Variants in ZNF407 observed in about 807,000 individuals in gnomAD.
The protein encoded by ZNF407 is zinc finger protein 407.
In ZNF407, 17 loss-of-function variants were observed where a neutral mutation model predicts 131.2. The ratio of observed to expected loss-of-function variants is 0.13; its 90% CI spans 0.09 to 0.19. ZNF407 has a LOEUF of 0.19. ZNF407 is among the 10% of genes least tolerant of loss of function. The pLI is 1.00. For missense variants in ZNF407, 2,681 were observed against 2,830.6 expected (o/e 0.95, Z 1.20); for synonymous variants, 1,156 against 1,062.0 (o/e 1.09, Z -1.72).
chr18:74,897,107 C>T (rs1178326356), intron 7 of ZNF407, among the ~76,000 whole-genome samples: 1 of 152,044 alleles, frequency 6.6e-6, no homozygotes, highest in Non-Finnish European at 1.5e-5. Flanking sequence ...TTGTTTTCAG[C>T]CTAAGAGGCT....
chr18:75,058,353 G>A (rs995850550), intron 8 of ZNF407, among the ~76,000 whole-genome samples: 2 of 152,178 alleles, frequency 1.3e-5, no homozygotes, highest in Non-Finnish European at 2.9e-5. Context: ...TCTGAGAAGG[G>A]AGTAAAATAT....
chr18:75,005,098 G>A lies in ZNF407; in HGVS notation c.5429-58052G>A, dbSNP rs183909962. On this transcript the variant is annotated intron_variant, in intron 8 of 8. Coordinates refer to ENST00000299687, the MANE Select transcript of ZNF407 (RefSeq NM_017757.3). Reference sequence around the variant, plus strand: ...TATGCATGGGAAAGTCCTTGATTCAGCCTCCCATAAAAATAAACTTCTATT... The same window carrying A: ...TATGCATGGGAAAGTCCTTGATTCAACCTCCCATAAAAATAAACTTCTATT... Among the ~76,000 whole-genome samples, 5 of 152,268 alleles carry A rather than the reference G, an allele frequency of 3.3e-5. No homozygotes were observed. The East Asian group carries it at 5.8e-4, about 18-fold the overall frequency.
chr18:74,623,267 C>T (rs1568317201), intron 1 of ZNF407, among the ~76,000 whole-genome samples: 2 of 150,786 alleles, frequency 1.3e-5, no homozygotes, highest in Non-Finnish European at 3.0e-5. Flanking sequence ...TGTGTGTGTG[C>T]ATGAGTGTGA....
chr18:75,034,082 T>C (rs1379129300), intron 8 of ZNF407, among the ~76,000 whole-genome samples: 3 of 152,186 alleles, frequency 2.0e-5, no homozygotes, highest in Non-Finnish European at 4.4e-5. Flanking sequence ...AATGGCCTTG[T>C]GCATCATGAA....
intron 8 of ZNF407, among the ~76,000 whole-genome samples, chr18:74,997,631 C>T (rs2122151280): frequency 6.6e-6 from 1 of 152,240 alleles, no homozygotes; most frequent in South Asian, 2.1e-4. Flanking sequence ...CCCCTCTGCA[C>T]TTTGGAATGT....
At chr18:74,916,705 GTGTGTGTGTGTA>G (rs1971774314) in intron 7 of ZNF407, among the ~76,000 whole-genome samples, 1 of 142,448 alleles carries the variant, frequency 7.0e-6, no homozygotes, top group Non-Finnish European at 1.5e-5. Flanking sequence ...CGAATCGGGA[GTGTGTGTGTGTA>G]TGTGTGTGTG....
At chr18:74,832,384 T>G (rs1970497493) in intron 4 of ZNF407, among the ~76,000 whole-genome samples, 1 of 152,184 alleles carries the variant, frequency 6.6e-6, no homozygotes, top group Admixed American at 6.5e-5. Flanking sequence ...GGAAGCAACC[T>G]GAGAGTAACT....
intron 4 of ZNF407, among the ~76,000 whole-genome samples, chr18:74,794,572 A>G (rs1020871329): frequency 3.3e-5 from 5 of 152,200 alleles, no homozygotes; most frequent in African/African-American, 1.2e-4. Context: ...AGAATAATAT[A>G]GAATCATGCA....
chr18:75,003,819 A>G (rs1037371774), intron 8 of ZNF407, among the ~76,000 whole-genome samples: 2 of 152,208 alleles, frequency 1.3e-5, no homozygotes, highest in African/African-American at 2.4e-5. Context: ...GAGACACTCA[A>G]CAAAAATTGT....
chr18:74,804,058 C>G (rs1351510788), intron 4 of ZNF407: 1 of 1,551,530 alleles, frequency 6.4e-7, no homozygotes. Flanking sequence ...TCTTTGTGAG[C>G]ACTTTTCATA....
At position 75,015,050 on chromosome 18, in the gene ZNF407, G is replaced by A. The variant is rs751751956; in HGVS notation, c.5429-48100G>A. On this transcript the variant is annotated intron_variant, in intron 8 of 8. Transcript: ENST00000299687. ...CATTCCTTTCCCCACCGCCATATTC[G>A]TATAGCCAGCTAATTTGGGGAGACT... 1.4e-4 allele frequency among the ~76,000 whole-genome samples: 21 copies of A among 152,050 alleles called. No homozygotes were observed. In the South Asian group the frequency reaches 1.7e-3, roughly 12 times the overall value.
intron 3 of ZNF407, among the ~76,000 whole-genome samples, chr18:74,779,088 CATATATAT>C (rs1555687129): frequency 1.0e-4 from 2 of 19,210 alleles, no homozygotes; most frequent in Non-Finnish European, 1.4e-4. Context: ...TCATGCTTGG[CATATATAT>C]ATATATATAT....
chr18:74,904,376 AT>A (rs1247020864), intron 7 of ZNF407, among the ~76,000 whole-genome samples: 2 of 152,132 alleles, frequency 1.3e-5, no homozygotes, highest in East Asian at 3.9e-4. Context: ...GAAATGTATT[AT>A]TTTTTCTCTT....
intron 8 of ZNF407, among the ~76,000 whole-genome samples, chr18:74,944,735 A>G (rs7233399): frequency 0.036 from 5,478 of 152,338 alleles, 357 homozygotes; most frequent in African/African-American, 0.12. Context: ...ATTATGAACA[A>G]TAAAGAGCTT....
At position 74,781,483 on chromosome 18, in the gene ZNF407, GT is replaced by G; in HGVS notation, c.4860del (p.Gly1621AlafsTer23). 6.5e-7 allele frequency: 1 copy of G among 1,532,984 alleles called. No homozygotes were observed. Among genetic ancestry groups the G allele is most frequent in the East Asian group, 2.5e-5 (1 of 40,704 alleles). 95.0% of individuals were successfully genotyped at this position (1,532,984 alleles called of 1,614,324 possible). A position where few individuals can be genotyped will look rare whatever the true frequency, so the allele number is the denominator to read the frequency against. On this transcript the variant is annotated frameshift_variant, in exon 4 of 9. Transcript: ENST00000299687. LOFTEE classifies it high-confidence loss of function. ...TACTCATCTACTAGGCAAGCATGGA[GT>G]TGGCACCCCAAAAGAAAGGTAATTT... ...LNTHLLGKHG[V>X]GTPKERKFTC...
intron 3 of ZNF407, among the ~76,000 whole-genome samples, chr18:74,660,742 G>A (rs1985678372): frequency 6.6e-6 from 1 of 152,040 alleles, no homozygotes; most frequent in South Asian, 2.1e-4. Context: ...TGTTATTAGG[G>A]GAGATTATAG....
At chr18:74,899,950 T>C (rs1419743765) in intron 7 of ZNF407, among the ~76,000 whole-genome samples, 3 of 152,218 alleles carry the variant, frequency 2.0e-5, no homozygotes, top group African/African-American at 7.2e-5. Flanking sequence ...GTGAAAACAC[T>C]GGGCCAGAGG....
chr18:74,752,250 G>A (rs997867554), intron 3 of ZNF407, among the ~76,000 whole-genome samples: 1 of 152,136 alleles, frequency 6.6e-6, no homozygotes, highest in African/African-American at 2.4e-5. Flanking sequence ...ATTTGTTTAA[G>A]TTCTTTGTAG....
At chr18:74,966,340 A>G (rs1238099824) in intron 8 of ZNF407, among the ~76,000 whole-genome samples, 1 of 152,154 alleles carries the variant, frequency 6.6e-6, no homozygotes, top group Non-Finnish European at 1.5e-5. Context: ...TGATTTTTGT[A>G]TATGGTGAGA....
Sources: gnomAD v4.1 joint callset for allele counts (sites outside exome capture counted in the v4.1 genomes callset) on GRCh38, gnomAD v4.1.1 for gene constraint, MANE v1.5 for transcripts, NCBI Gene and HGNC (gene_info 2026-07-23, HGNC 2026-07-21) for gene names.